Variants in FRMD6 observed in about 807,000 individuals in gnomAD.
The protein encoded by FRMD6 is FERM domain-containing protein 6.
A neutral mutation model predicts 73.2 loss-of-function variants in FRMD6; 37 were observed. That is an observed-to-expected ratio of 0.51 (90% CI 0.39 to 0.66). The LOEUF is 0.66. Among genes scored for constraint, FRMD6 ranks in the 30% least tolerant of loss-of-function variants. The pLI, the probability that FRMD6 is intolerant of heterozygous loss-of-function variation, is 0.00. For synonymous variants in FRMD6, 273 were observed against 282.2 expected (o/e 0.97, Z 0.33); for missense variants, 714 against 780.5 (o/e 0.91, Z 1.02).
chr14:51,561,868 A>T lies in FRMD6; in HGVS notation c.-209-8480A>T, dbSNP rs575769764. On this transcript the variant is annotated intron_variant, in intron 1 of 14. Transcript: ENST00000356218. ...GAGAAATCATCACAAATTCATTTTG[A>T]TTGTTATCCCAAATGAAAAAAATAT... Among the ~76,000 whole-genome samples the T allele has an allele frequency of 2.0e-5, 3 of 152,334 alleles. No individual in the cohort carries two copies. In the East Asian group the frequency reaches 5.8e-4, roughly 29 times the overall value.
intron 1 of FRMD6, among the ~76,000 whole-genome samples, chr14:51,667,702 AC>A (rs1474504747): frequency 3.3e-5 from 5 of 152,198 alleles, no homozygotes; most frequent in African/African-American, 1.2e-4. Context: ...CTTCAAAGAA[AC>A]CCAAGATTTT....
the FRMD6 span, among the ~76,000 whole-genome samples, chr14:51,446,423 G>A: frequency 7.5e-5 from 5 of 66,420 alleles, no homozygotes; most frequent in African/African-American, 2.6e-4. Flanking sequence ...CCCAGAGGAG[G>A]GTAGTCCTTC....
chr14:51,701,473 T>C (rs998016822), intron 4 of FRMD6, among the ~76,000 whole-genome samples: 13 of 142,354 alleles, frequency 9.1e-5, no homozygotes, highest in African/African-American at 3.4e-4. Context: ...TTCTAAAATG[T>C]ATATATATAT....
chr14:51,483,119 G>A, the FRMD6 span, among the ~76,000 whole-genome samples: 1 of 152,296 alleles, frequency 6.6e-6, no homozygotes, highest in East Asian at 1.9e-4. Flanking sequence ...AGTGATACCA[G>A]TAACAGTTCA....
intron 1 of FRMD6, among the ~76,000 whole-genome samples, chr14:51,543,804 A>AT (rs34292844): frequency 6.6e-6 from 1 of 152,000 alleles, no homozygotes; most frequent in Non-Finnish European, 1.5e-5. Flanking sequence ...AACTCATTTA[A>AT]TTTTTTTGAA....
chr14:51,634,574 CCAAA>C (rs1239472912), intron 2 of FRMD6, among the ~76,000 whole-genome samples: 7 of 151,618 alleles, frequency 4.6e-5, no homozygotes, highest in African/African-American at 9.7e-5. Flanking sequence ...CTTGGGAAAT[CCAAA>C]CAAATTTTCA....
chr14:51,498,646 A>G lies in FRMD6; in HGVS notation c.-210+9226A>G, dbSNP rs373565046. On this transcript the variant is annotated intron_variant, in intron 1 of 14. Coordinates refer to the FRMD6 transcript ENST00000356218. ...CTGCTCTTTCATCCTTCAGGAGGCT[A>G]GACTTTCTCATGTGGTGGTGGCAGT... 3.7e-4 allele frequency among the ~76,000 whole-genome samples: 57 copies of G among 152,288 alleles called. 1 individual carries two copies. In the East Asian group the frequency reaches 5.0e-3, roughly 13 times the overall value.
At chr14:51,454,464 A>G in the FRMD6 span, 1 of 152,186 alleles carries the variant, frequency 6.6e-6, no homozygotes, top group Admixed American at 6.5e-5. Context: ...AAGAGCAGAT[A>G]ATTCCAGGAC....
At chr14:51,664,900 T>C (rs980486686) in intron 1 of FRMD6, among the ~76,000 whole-genome samples, 1 of 152,216 alleles carries the variant, frequency 6.6e-6, no homozygotes, top group African/African-American at 2.4e-5. Context: ...ACGAGGCCAA[T>C]GTGGAATAAT....
At chr14:51,532,321 A>T (rs1031617371) in intron 1 of FRMD6, among the ~76,000 whole-genome samples, 3 of 150,606 alleles carry the variant, frequency 2.0e-5, no homozygotes, top group Admixed American at 1.3e-4. Context: ...GTGAGCTGAG[A>T]TAGCACCACT....
chr14:51,582,989 G>C (rs150877374), intron 2 of FRMD6, among the ~76,000 whole-genome samples: 1 of 152,034 alleles, frequency 6.6e-6, no homozygotes, highest in Non-Finnish European at 1.5e-5. Context: ...TTACTTTCTC[G>C]CCTTTCCTGC....
intron 1 of FRMD6, among the ~76,000 whole-genome samples, chr14:51,532,182 C>T (rs1296047298): frequency 1.3e-5 from 2 of 152,032 alleles, no homozygotes; most frequent in Non-Finnish European, 2.9e-5. Flanking sequence ...TCCTGGCTAA[C>T]ATGGTGAAAC....
chr14:51,696,625 A>G (rs1261269956), intron 2 of FRMD6, among the ~76,000 whole-genome samples: 5 of 151,926 alleles, frequency 3.3e-5, no homozygotes, highest in African/African-American at 1.2e-4. Flanking sequence ...ATTAAAAGCT[A>G]GGCAGGCTGG....
In FRMD6 at chr14:51,704,837, C is replaced by G. The variant is rs765400388; in HGVS notation, c.460C>G (p.Leu154Val). The G allele has an allele frequency of 6.2e-7, 1 of 1,613,432 alleles. No individual in the cohort carries two copies. Among genetic ancestry groups the G allele is most frequent in the Non-Finnish European group, 8.5e-7 (1 of 1,179,604 alleles). Reference sequence around the variant, plus strand: ...TGTGCTCCGAGAGGAGGCCTACTTCCTGCTGGCAGCCTTTGCCCTGCAGGC... The same window carrying G: ...TGTGCTCCGAGAGGAGGCCTACTTCGTGCTGGCAGCCTTTGCCCTGCAGGC... ...QCVLREEAYF[L>V]LAAFALQADL... Residue 154 changes from leucine to valine, a missense_variant, in exon 6 of 14, where the codon CTG becomes GTG. By Grantham distance (32) the Leu-to-Val change is conservative. Transcript: ENST00000344768.
chr14:51,491,680 C>T (rs902110399), intron 1 of FRMD6: 2 of 152,270 alleles, frequency 1.3e-5, no homozygotes, highest in Non-Finnish European at 2.9e-5. Flanking sequence ...AAAATGGACG[C>T]TTAGCCTTTT....
intron 2 of FRMD6, among the ~76,000 whole-genome samples, chr14:51,590,808 A>G (rs55954180): frequency 0.066 from 10,053 of 152,318 alleles, 497 homozygotes; most frequent in African/African-American, 0.13. Context: ...AGAAGAAATA[A>G]TTTAACTGGT....
chr14:51,639,214 T>A, intron 2 of FRMD6, among the ~76,000 whole-genome samples: 1 of 152,100 alleles, frequency 6.6e-6, no homozygotes, highest in East Asian at 1.9e-4. Flanking sequence ...GGCGGGCGGA[T>A]CACGAGGTCA....
chr14:51,578,399 G>A (rs1888521838), intron 2 of FRMD6, among the ~76,000 whole-genome samples: 1 of 152,216 alleles, frequency 6.6e-6, no homozygotes, highest in African/African-American at 2.4e-5. Context: ...TGAGGCAAAA[G>A]TCAAAAGGAT....
At chr14:51,706,551 G>A (rs1280773637) in intron 6 of FRMD6, among the ~76,000 whole-genome samples, 1 of 151,962 alleles carries the variant, frequency 6.6e-6, no homozygotes, top group African/African-American at 2.4e-5. Flanking sequence ...CCATTGGTGT[G>A]TCTCCATACT....
Sources: allele counts gnomAD v4.1 joint callset (sites outside exome capture counted in the v4.1 genomes callset), GRCh38; gene constraint gnomAD v4.1.1; transcripts MANE v1.5; gene names NCBI Gene and HGNC (gene_info 2026-07-23, HGNC 2026-07-21).